Variants in PARP12 observed in about 807,000 individuals in gnomAD.
The protein encoded by PARP12 is poly(ADP-ribose) polymerase family member 12.
A neutral mutation model predicts 72.4 loss-of-function variants in PARP12; 59 were observed. The ratio of observed to expected loss-of-function variants is 0.81; its 90% confidence interval spans 0.66 to 1.01. The LOEUF is 1.01. Among genes scored for constraint, PARP12 ranks in the 50% least tolerant of loss-of-function variants. The probability of loss-of-function intolerance (pLI) is 0.00; values close to 1 mark genes in which losing one functional copy is unlikely to be tolerated. For missense variants in PARP12, 851 were observed against 914.0 expected (o/e 0.93, Z 0.89); for synonymous variants, 403 against 371.4 (o/e 1.09, Z -0.98).
At chr7:140,060,482 A>C (rs1175557719) in intron 1 of PARP12, among the ~76,000 whole-genome samples, 1 of 152,168 alleles carries the variant, frequency 6.6e-6, no homozygotes, top group Non-Finnish European at 1.5e-5. Context: ...GGTTCAAGAA[A>C]CTCACCTGTG....
Position 140,060,491 on chromosome 7 carries a change from T to C in PARP12, c.326+2031A>G, listed in dbSNP as rs77049176. Among the ~76,000 whole-genome samples, 42 of 152,320 alleles carry C rather than the reference T, an allele frequency of 2.8e-4. No homozygotes were observed. In the East Asian group the frequency reaches 6.9e-3, roughly 25 times the overall value. On this transcript the variant is annotated intron_variant, in intron 1 of 11. Coordinates refer to ENST00000263549, the MANE Select transcript of PARP12 (RefSeq NM_022750.4). ...ATGGAAGGTTCAAGAAACTCACCTG[T>C]GTAAACCACAAGGAAAAGAGAAAAC...
chr7:140,057,182 G>C, intron 2 of PARP12, 29 bp from the exon 3 acceptor site: 1 of 1,591,374 alleles, frequency 6.3e-7, no homozygotes, highest in Non-Finnish European at 8.6e-7. Context: ...AAAACCACCA[G>C]TTCAGGAAGG....
chr7:140,049,176 C>A (rs1816857381), intron 4 of PARP12, among the ~76,000 whole-genome samples: 1 of 152,102 alleles, frequency 6.6e-6, no homozygotes, highest in African/African-American at 2.4e-5. Context: ...TGGGGCCGAG[C>A]AGACAGGGCA....
rs552013527 is a variant in PARP12, at chr7:140,035,548, C to G, written c.1325-1217G>C. Among the ~76,000 whole-genome samples, 18 of 152,308 alleles carry G rather than the reference C, an allele frequency of 1.2e-4. No homozygotes were observed. In the South Asian group the frequency reaches 3.5e-3, roughly 30 times the overall value. On this transcript the variant is annotated intron_variant, in intron 7 of 11. Coordinates refer to ENST00000263549, the MANE Select transcript of PARP12 (RefSeq NM_022750.4). Reference sequence around the variant, plus strand: ...TTGGGGAATTCTGCCCCGTCAGACACCACCTAACAGGATGCTAGAATTCTG... The same window carrying G: ...TTGGGGAATTCTGCCCCGTCAGACAGCACCTAACAGGATGCTAGAATTCTG...
intron 7 of PARP12, among the ~76,000 whole-genome samples, chr7:140,035,816 G>T (rs1816125823): frequency 6.6e-6 from 1 of 151,852 alleles, no homozygotes; most frequent in African/African-American, 2.4e-5. Flanking sequence ...TTCTTTTATG[G>T]ATACTGGTAT....
Position 140,054,782 on chromosome 7 carries a change from A to G in PARP12, c.761-19T>C. ...TTTCTTTCTGCAAAGAAACACCACAAAGATATGTCAGCTTCTGATATGGGG... is the reference window on the plus strand; with the variant it reads ...TTTCTTTCTGCAAAGAAACACCACAGAGATATGTCAGCTTCTGATATGGGG... On this transcript the variant is annotated intron_variant, in intron 3 of 11. Coordinates refer to ENST00000263549, the MANE Select transcript of PARP12 (RefSeq NM_022750.4). 1 of 1,570,778 alleles carries G rather than the reference A, an allele frequency of 6.4e-7. No individual in the cohort carries two copies.
chr7:140,039,953 C>T (rs1026333049), intron 6 of PARP12, among the ~76,000 whole-genome samples: 1 of 152,186 alleles, frequency 6.6e-6, no homozygotes, highest in Non-Finnish European at 1.5e-5. Context: ...GGGGCACGCT[C>T]CAGGTGTTGG....
At chr7:140,037,382 C>T (rs920626495) in intron 7 of PARP12, among the ~76,000 whole-genome samples, 6 of 152,240 alleles carry the variant, frequency 3.9e-5, no homozygotes, top group Non-Finnish European at 8.8e-5. Flanking sequence ...CACTGCACGA[C>T]GGAGCTGCTC....
In PARP12 at chr7:140,024,646, C is replaced by T. The variant is rs752052022; in HGVS notation, c.2020G>A (p.Val674Ile). Residue 674 changes from valine to isoleucine, a missense_variant, in exon 12 of 12, where the codon GTC (valine) becomes ATC (isoleucine). This residue lies in a region of PARP12 where 347 missense variants were observed against 396.1 expected (regional missense o/e 0.88). Transcript: ENST00000263549. ...FEKHQVYPEY[V>I]IQYTTSSKPS... ...TTGGAGGAGGTGGTGTACTGGATGACATACTCTGGGTAGACCTGGTGTTTC... is the reference window on the plus strand; with the variant it reads ...TTGGAGGAGGTGGTGTACTGGATGATATACTCTGGGTAGACCTGGTGTTTC... The T allele has an allele frequency of 3.7e-6, 6 of 1,614,106 alleles. No homozygotes were observed. The South Asian group carries it at 6.6e-5, about 18-fold the overall frequency.
intron 4 of PARP12, among the ~76,000 whole-genome samples, chr7:140,054,448 T>C (rs1187090353): frequency 6.6e-6 from 1 of 152,244 alleles, no homozygotes; most frequent in Non-Finnish European, 1.5e-5. Flanking sequence ...TTCCCAAAAA[T>C]GATCCACATT....
At chr7:140,047,333 T>C (rs529499704) in intron 4 of PARP12, among the ~76,000 whole-genome samples, 10 of 152,288 alleles carry the variant, frequency 6.6e-5, no homozygotes, top group East Asian at 1.9e-4. Flanking sequence ...GTATGGGTTA[T>C]CATGAGAGTG....
At chr7:140,042,709 C>G (rs1816535377) in intron 5 of PARP12, among the ~76,000 whole-genome samples, 1 of 152,180 alleles carries the variant, frequency 6.6e-6, no homozygotes, top group African/African-American at 2.4e-5. Flanking sequence ...GGAAACCTGC[C>G]TGTATTAATG....
intron 3 of PARP12, among the ~76,000 whole-genome samples, chr7:140,055,291 G>A (rs1461599290): frequency 6.6e-6 from 1 of 152,022 alleles, no homozygotes; most frequent in Non-Finnish European, 1.5e-5. Flanking sequence ...TCAGAATTGG[G>A]TACTAATACC....
At chr7:140,061,310 C>T (rs910479159) in intron 1 of PARP12, among the ~76,000 whole-genome samples, 3 of 152,200 alleles carry the variant, frequency 2.0e-5, no homozygotes, top group East Asian at 3.9e-4. Flanking sequence ...CTAGGCTGGC[C>T]TCAAGAGCCA....
intron 3 of PARP12, among the ~76,000 whole-genome samples, 191 bp downstream of exon 3, chr7:140,056,665 G>T: frequency 6.6e-6 from 1 of 152,298 alleles, no homozygotes; most frequent in African/African-American, 2.4e-5. Context: ...TCAAGTCTAT[G>T]ATTTCAACTT....
chr7:140,056,953 G>T lies in PARP12; in HGVS notation c.663C>A (p.Ser221Arg). ...EKLGMSSDLV[S>R]RLPTIYRNAH... ...CATTTCTATAAATGGTAGGCAGCCTGCTCACCAGGTCTGAGCTCATACCCA... is the reference window on the plus strand; with the variant it reads ...CATTTCTATAAATGGTAGGCAGCCTTCTCACCAGGTCTGAGCTCATACCCA... Residue 221 changes from serine (S) to arginine (R), a missense_variant, in exon 3 of 12, where the codon AGC (serine) becomes AGA (arginine). Ser to Arg is a moderately radical substitution (Grantham distance 110). Transcript: ENST00000263549. The T allele has an allele frequency of 6.2e-7, 1 of 1,614,148 alleles. No homozygotes were observed. The highest frequency in any genetic ancestry group is 8.5e-7 in the Non-Finnish European group (1 of 1,180,040).
chr7:140,041,785 G>A lies in PARP12; in HGVS notation c.1041C>T (p.Asn347=), dbSNP rs150772945. 126 of 1,614,090 alleles carry A rather than the reference G, an allele frequency of 7.8e-5. No individual in the cohort carries two copies. In the African/African-American group the frequency reaches 1.3e-3, roughly 16 times the overall value. The stretch of plus-strand genomic sequence containing the variant: ...CCTGGGTAGCACCGTAAGTCATGGC[G>A]TTAAAGTTCAGACAATGAGAGTGAA... ...STFHSHCLNF[N]AMTYGATQAR... The change falls in exon 6 of 12, where the codon AAC becomes AAT. Residue 347 remains asparagine, a synonymous_variant. Transcript: ENST00000263549.
At chr7:140,025,508 A>G (rs79429880) in intron 11 of PARP12, 12,037 of 445,202 alleles carry the variant, frequency 0.027, 442 homozygotes, top group African/African-American at 0.11. Flanking sequence ...TGGTAAGCAT[A>G]TTGTGGTTAC....
Position 140,026,313 on chromosome 7 carries a change from T to C in PARP12, c.1664A>G (p.Lys555Arg), listed in dbSNP as rs759321880. 7 of 1,612,742 alleles carry C rather than the reference T, an allele frequency of 4.3e-6. No individual in the cohort carries two copies. The highest frequency in any genetic ancestry group is 5.9e-6 in the Non-Finnish European group (7 of 1,179,996). The change falls in exon 11 of 12, where the codon AAG becomes AGG. Residue 555 changes from lysine to arginine, a missense_variant. Physicochemically the swap from Lys to Arg is conservative, Grantham distance 26. This residue lies in a region of PARP12 where 347 missense variants were observed against 396.1 expected (regional missense o/e 0.88). Transcript: ENST00000263549. ...GAACAGCTGCCGCTCGTCCACGGCC[T>C]TCCCTCCGTTCTGCTTCTGCATCTG... The part of the protein sequence containing the change: ...KGQMQKQNGG[K>R]AVDERQLFHG...
Sources: gnomAD v4.1 joint callset for allele counts (sites outside exome capture counted in the v4.1 genomes callset) on GRCh38, gnomAD v4.1.1 for gene constraint, gnomAD v4.1.1 regional missense constraint, MANE v1.5 for transcripts, NCBI Gene and HGNC (gene_info 2026-07-23, HGNC 2026-07-21) for gene names.